The following PLXNA4 variants were observed in gnomAD, a reference collection of about 807,000 sequenced individuals.
PLXNA4 encodes the protein plexin A4, also known as plexin-A4.
PLXNA4 carries 44 observed loss-of-function variants against 191.8 expected under a neutral mutation model. That is an observed-to-expected ratio of 0.23 (90% CI 0.18 to 0.29). The LOEUF is 0.29. Ranked by LOEUF, PLXNA4 falls within the 10% of genes least tolerant of loss-of-function variation. PLXNA4 has a pLI of 1.00. For missense variants in PLXNA4, 1,800 were observed against 2,488.8 expected (o/e 0.72, Z 5.89); for synonymous variants, 1,082 against 1,009.5 (o/e 1.07, Z -1.36).
At chr7:132,242,504 A>G (rs140363147) in intron 4 of PLXNA4, among the ~76,000 whole-genome samples, 8 of 152,306 alleles carry the variant, frequency 5.3e-5, no homozygotes, top group African/African-American at 1.9e-4. Flanking sequence ...TTAATTAATA[A>G]TTAATTCCAA....
At chr7:132,476,245 G>A (rs755697518) in intron 3 of PLXNA4, among the ~76,000 whole-genome samples, 8 of 152,244 alleles carry the variant, frequency 5.3e-5, no homozygotes, top group African/African-American at 9.6e-5. Context: ...AATAGCCACC[G>A]GGCAACTCCT....
At chr7:132,370,163 A>G (rs114229364) in intron 3 of PLXNA4, among the ~76,000 whole-genome samples, 1,730 of 152,254 alleles carry the variant, frequency 0.011, 43 homozygotes, top group African/African-American at 0.038. Context: ...AGAAGAGGCA[A>G]GAGTCAACTT....
intron 3 of PLXNA4, among the ~76,000 whole-genome samples, chr7:132,423,456 C>T (rs1794922089): frequency 6.6e-6 from 1 of 152,044 alleles, no homozygotes. Flanking sequence ...TTCCCTCTTC[C>T]CATTTTGCTG....
In PLXNA4 at chr7:132,187,612, G is replaced by A. The variant is rs1796922465; in HGVS notation, c.2857-5C>T. 1.2e-6 allele frequency: 2 copies of A among 1,610,906 alleles called. No individual in the cohort carries two copies. Among genetic ancestry groups the A allele is most frequent in the Non-Finnish European group, 1.7e-6 (2 of 1,178,274 alleles). On this transcript the variant is annotated splice_region_variant and splice_polypyrimidine_tract_variant and intron_variant, in intron 14 of 31. Coordinates refer to ENST00000321063, the MANE Select transcript of PLXNA4 (RefSeq NM_020911.2). ...CAGATCTGAGAGAGTCAGTGTCTGT[G>A]TAGAAAGGATGTGGCCTGAGACACA...
chr7:132,581,069 C>A (rs767265358), upstream of PLXNA4, among the ~76,000 whole-genome samples: 3 of 152,226 alleles, frequency 2.0e-5, no homozygotes, highest in Admixed American at 1.3e-4. Context: ...CTGCATCCTC[C>A]TTGAATGCTG....
At chr7:132,592,519 CTTT>C (rs5887580) in intron 2 of PLXNA4, among the ~76,000 whole-genome samples, 2 of 145,814 alleles carry the variant, frequency 1.4e-5, no homozygotes, top group African/African-American at 2.5e-5. Flanking sequence ...TTAATTTAAC[CTTT>C]TTTTTTTTTT....
At chr7:132,507,136 G>A (rs1042115894) in intron 2 of PLXNA4, among the ~76,000 whole-genome samples, 4 of 152,124 alleles carry the variant, frequency 2.6e-5, no homozygotes, top group African/African-American at 9.7e-5. Context: ...CAAAGGGCAT[G>A]TACGTGTCTT....
At chr7:132,377,649 T>C (rs770287579) in intron 3 of PLXNA4, among the ~76,000 whole-genome samples, 1 of 152,150 alleles carries the variant, frequency 6.6e-6, no homozygotes, top group Non-Finnish European at 1.5e-5. Context: ...CCCACCTTGC[T>C]GCTTGGAGAG....
chr7:132,294,127 A>G (rs1440263309), intron 4 of PLXNA4, among the ~76,000 whole-genome samples: 1 of 152,254 alleles, frequency 6.6e-6, no homozygotes, highest in Non-Finnish European at 1.5e-5. Flanking sequence ...TGCTATGGAT[A>G]AAAATAGAGC....
At chr7:132,371,509 C>T (rs923489372) in intron 3 of PLXNA4, among the ~76,000 whole-genome samples, 1 of 152,132 alleles carries the variant, frequency 6.6e-6, no homozygotes, top group African/African-American at 2.4e-5. Context: ...ACACAGTTCC[C>T]TGAATAAAGA....
chr7:132,491,852 C>T (rs1411250814), intron 2 of PLXNA4, among the ~76,000 whole-genome samples: 1 of 152,028 alleles, frequency 6.6e-6, no homozygotes, highest in African/African-American at 2.4e-5. Flanking sequence ...GGGAAGGAGA[C>T]AGGAGGCAGA....
chr7:132,149,487 G>A (rs1001614331), intron 25 of PLXNA4, among the ~76,000 whole-genome samples: 1 of 152,144 alleles, frequency 6.6e-6, no homozygotes, highest in African/African-American at 2.4e-5. Flanking sequence ...GAAAATCCAT[G>A]TGCATGTCAG....
At chr7:132,364,148 G>A (rs1210276759) in intron 3 of PLXNA4, among the ~76,000 whole-genome samples, 2 of 152,328 alleles carry the variant, frequency 1.3e-5, no homozygotes, top group African/African-American at 2.4e-5. Context: ...AGACCCCTTC[G>A]TGGGAAAGGC....
chr7:132,425,720 G>A (rs1367827493), intron 3 of PLXNA4, among the ~76,000 whole-genome samples: 1 of 152,218 alleles, frequency 6.6e-6, no homozygotes, highest in African/African-American at 2.4e-5. Context: ...GGGAAACAGA[G>A]AAGAAAGAAA....
At chr7:132,325,489 C>A (rs2116662466) in intron 3 of PLXNA4, among the ~76,000 whole-genome samples, 1 of 152,232 alleles carries the variant, frequency 6.6e-6, no homozygotes, top group South Asian at 2.1e-4. Flanking sequence ...AGAATATTTG[C>A]AGAAATAATC....
chr7:132,378,697 T>A (rs1052395784), intron 3 of PLXNA4, among the ~76,000 whole-genome samples: 1 of 152,144 alleles, frequency 6.6e-6, no homozygotes, highest in Non-Finnish European at 1.5e-5. Flanking sequence ...AGAATGATAA[T>A]GATTATTGAA....
At chr7:132,618,377 A>G (rs991687584) in intron 2 of PLXNA4, among the ~76,000 whole-genome samples, 1 of 152,032 alleles carries the variant, frequency 6.6e-6, no homozygotes, top group Non-Finnish European at 1.5e-5. Context: ...GGGAAGCTTC[A>G]TGAAGGCAGA....
intron 9 of PLXNA4, among the ~76,000 whole-genome samples, chr7:132,211,578 G>A (rs1467048730): frequency 6.6e-6 from 1 of 152,226 alleles, no homozygotes; most frequent in Non-Finnish European, 1.5e-5. Flanking sequence ...GAGAGGCAAA[G>A]CCCTGGGCCC....
At position 132,508,619 on chromosome 7, in the gene PLXNA4, C is replaced by G; in HGVS notation, c.75G>C (p.Leu25Phe). ...LLMVGMGSST[L>F]LTRQPAPLSQ... ...ACAGCGGGGCTGGCTGCCGGGTGAG[C>G]AAAGTGGAGGAGCCCATGCCCACCA... The change falls in exon 2 of 32, where the codon TTG becomes TTC. Residue 25 changes from leucine (L) to phenylalanine (F), a missense_variant. Physicochemically the swap from Leu to Phe is conservative, Grantham distance 22. Around this residue, in one of 6 missense-constraint regions of PLXNA4, gnomAD observed 1,397 missense variants for 1,880.4 expected, o/e 0.74. Coordinates refer to ENST00000321063, the MANE Select transcript of PLXNA4 (RefSeq NM_020911.2). The surrounding 1 kb of genome is among the most constrained non-coding windows in gnomAD (Gnocchi z 4.4). 1 of 1,609,754 alleles carries G rather than the reference C, an allele frequency of 6.2e-7. No homozygotes were observed. Among genetic ancestry groups the G allele is most frequent in the Non-Finnish European group, 8.5e-7 (1 of 1,177,742 alleles).
Sources: gnomAD v4.1 joint callset for allele counts (sites outside exome capture counted in the v4.1 genomes callset) on GRCh38, gnomAD v4.1.1 for gene constraint, gnomAD v4.1.1 regional missense constraint, Gnocchi (gnomAD v3.1) non-coding constraint, MANE v1.5 for transcripts, NCBI Gene and HGNC (gene_info 2026-07-23, HGNC 2026-07-21) for gene names.